Variants in SLC4A10 observed in about 807,000 individuals in gnomAD.
SLC4A10 encodes the protein sodium-driven chloride bicarbonate exchanger.
A neutral mutation model predicts 137.7 loss-of-function variants in SLC4A10; 42 were observed. The ratio of observed to expected loss-of-function variants is 0.30; its 90% CI spans 0.24 to 0.39. The LOEUF is 0.39. Ranked by LOEUF, SLC4A10 falls within the 10% of genes least tolerant of loss-of-function variation. The pLI is 1.00. For missense variants in SLC4A10, 925 were observed against 1,355.0 expected (o/e 0.68, Z 4.98); for synonymous variants, 474 against 464.1 (o/e 1.02, Z -0.27).
At chr2:161,861,491 T>C (rs1407809579) in intron 5 of SLC4A10, among the ~76,000 whole-genome samples, 1 of 96,416 alleles carries the variant, frequency 1.0e-5, no homozygotes, top group Non-Finnish European at 2.3e-5. Context: ...CTAACTTTGA[T>C]CTTTCTATTA....
chr2:161,914,792 C>T (rs1460850017), intron 15 of SLC4A10, among the ~76,000 whole-genome samples: 3 of 152,172 alleles, frequency 2.0e-5, no homozygotes, highest in African/African-American at 7.2e-5. Context: ...CCCTCAGTAC[C>T]TCAGAATGTG....
chr2:161,750,519 T>C (rs763011724), intron 1 of SLC4A10, among the ~76,000 whole-genome samples: 1 of 151,876 alleles, frequency 6.6e-6, no homozygotes, highest in South Asian at 2.1e-4. Flanking sequence ...TGTTATTTAG[T>C]TTCTACATAT....
At chr2:161,762,732 A>T (rs1407797370) in intron 1 of SLC4A10, among the ~76,000 whole-genome samples, 3 of 152,062 alleles carry the variant, frequency 2.0e-5, no homozygotes, top group East Asian at 3.9e-4. Context: ...GGTACGTGAG[A>T]TGTTACAAGT....
chr2:161,678,484 A>G (rs191389738), intron 1 of SLC4A10, among the ~76,000 whole-genome samples: 2 of 152,296 alleles, frequency 1.3e-5, no homozygotes, highest in Admixed American at 6.5e-5. Flanking sequence ...ATTGAGCTAT[A>G]ATATACATAC....
At chr2:161,696,033 G>T (rs549593112) in intron 1 of SLC4A10, among the ~76,000 whole-genome samples, 68 of 151,426 alleles carry the variant, frequency 4.5e-4, no homozygotes, top group Admixed American at 1.8e-3. Context: ...ATTTACATTA[G>T]ATATATCTCC....
intron 2 of SLC4A10, among the ~76,000 whole-genome samples, chr2:161,803,038 AT>A (rs897754600): frequency 1.3e-5 from 2 of 151,852 alleles, no homozygotes; most frequent in Non-Finnish European, 1.5e-5. Flanking sequence ...AGAAAGTAAG[AT>A]TTTTTTTAAC....
intron 1 of SLC4A10, among the ~76,000 whole-genome samples, chr2:161,707,669 A>G (rs1023777871): frequency 5.9e-5 from 9 of 151,522 alleles, no homozygotes; most frequent in African/African-American, 1.9e-4. Flanking sequence ...GTGAAAATCC[A>G]TAGTAAAAAT....
At chr2:161,848,435 C>T (rs2125828638) in intron 4 of SLC4A10, among the ~76,000 whole-genome samples, 1 of 152,156 alleles carries the variant, frequency 6.6e-6, no homozygotes, top group African/African-American at 2.4e-5. Context: ...TTGGCATCTT[C>T]ATCATGAAGT....
intron 1 of SLC4A10, among the ~76,000 whole-genome samples, chr2:161,682,537 G>C (rs569686545): frequency 1.3e-5 from 2 of 152,226 alleles, no homozygotes; most frequent in East Asian, 3.9e-4. Context: ...TCAATGAGAT[G>C]CTGTTTTGTT....
intron 15 of SLC4A10, among the ~76,000 whole-genome samples, chr2:161,926,447 T>C (rs1689138808): frequency 6.8e-6 from 1 of 146,838 alleles, no homozygotes; most frequent in Non-Finnish European, 1.5e-5. Flanking sequence ...TGAGCCTATG[T>C]GTGTCTCTGC....
At chr2:161,752,180 A>G (rs1360208348) in intron 1 of SLC4A10, among the ~76,000 whole-genome samples, 1 of 151,962 alleles carries the variant, frequency 6.6e-6, no homozygotes, top group Non-Finnish European at 1.5e-5. Context: ...GTGCTGACCT[A>G]TCTCACTTGA....
At chr2:161,864,398 A>G (rs1440032152) in intron 6 of SLC4A10, among the ~76,000 whole-genome samples, 2 of 152,150 alleles carry the variant, frequency 1.3e-5, no homozygotes, top group Admixed American at 1.3e-4. Flanking sequence ...TTTTCTTCAG[A>G]TTTGCTTCAT....
chr2:161,787,618 A>G (rs2053770516), intron 2 of SLC4A10, among the ~76,000 whole-genome samples: 1 of 152,096 alleles, frequency 6.6e-6, no homozygotes, highest in Admixed American at 6.6e-5. Context: ...TTATTTTTAA[A>G]ATGCTTTTCT....
chr2:161,954,220 A>G (rs1438040255), intron 19 of SLC4A10, among the ~76,000 whole-genome samples: 2 of 152,096 alleles, frequency 1.3e-5, no homozygotes, highest in African/African-American at 4.8e-5. Context: ...CTTCATGTCA[A>G]TCTATAGTCT....
At chr2:161,926,019 G>C (rs1689004885) in intron 15 of SLC4A10, among the ~76,000 whole-genome samples, 1 of 151,998 alleles carries the variant, frequency 6.6e-6, no homozygotes, top group Non-Finnish European at 1.5e-5. Flanking sequence ...TGAAAAAAAT[G>C]TATATTCTGT....
intron 1 of SLC4A10, among the ~76,000 whole-genome samples, chr2:161,664,376 A>G (rs573255305): frequency 6.6e-6 from 1 of 152,088 alleles, no homozygotes; most frequent in Non-Finnish European, 1.5e-5. Flanking sequence ...TAATGTTGAT[A>G]CAAGATCAAA....
At chr2:161,864,833 C>T (rs2060642726) in intron 6 of SLC4A10, among the ~76,000 whole-genome samples, 1 of 152,044 alleles carries the variant, frequency 6.6e-6, no homozygotes, top group Non-Finnish European at 1.5e-5. Flanking sequence ...AGATGTATTA[C>T]AAATGCAGTG....
chr2:161,777,509 T>G (rs1300500794), intron 2 of SLC4A10, among the ~76,000 whole-genome samples: 1 of 152,000 alleles, frequency 6.6e-6, no homozygotes, highest in African/African-American at 2.4e-5. Flanking sequence ...TACCCAAGAT[T>G]GAGCAATTTA....
At chr2:161,977,608 G>C (rs1559674984) in intron 25 of SLC4A10, 114 bp from the exon 26 acceptor site, 1 of 813,264 alleles carries the variant, frequency 1.2e-6, no homozygotes, top group Non-Finnish European at 1.9e-6. Flanking sequence ...CTTTTTGTTA[G>C]AGAGTGATTG....
Sources: allele counts gnomAD v4.1 joint callset (sites outside exome capture counted in the v4.1 genomes callset), GRCh38; gene constraint gnomAD v4.1.1; transcripts MANE v1.5; gene names NCBI Gene and HGNC (gene_info 2026-07-23, HGNC 2026-07-21).